The following CTIF variants were observed in gnomAD, a reference collection of about 807,000 sequenced individuals.
CTIF encodes CBP80/20-dependent translation initiation factor.
In CTIF, 21 loss-of-function variants were observed where a neutral mutation model predicts 66.0. The observed-to-expected ratio is 0.32, with a 90% CI of 0.23 to 0.46. CTIF has a LOEUF of 0.46. Ranked by LOEUF, CTIF falls within the 20% of genes least tolerant of loss-of-function variation. The probability of loss-of-function intolerance (pLI) is 1.00; values close to 1 mark genes in which losing one functional copy is unlikely to be tolerated. For missense variants in CTIF, 739 were observed against 812.7 expected (o/e 0.91, Z 1.10); for synonymous variants, 345 against 326.4 (o/e 1.06, Z -0.62).
intron 1 of CTIF, among the ~76,000 whole-genome samples, chr18:48,591,252 C>T (rs191524377): frequency 2.1e-4 from 32 of 152,366 alleles, no homozygotes; most frequent in Admixed American, 1.8e-3. Flanking sequence ...AGGCAGTCTT[C>T]CCATCACCCC....
At chr18:48,667,224 T>C (rs2091452374) in intron 5 of CTIF, among the ~76,000 whole-genome samples, 1 of 152,082 alleles carries the variant, frequency 6.6e-6, no homozygotes, top group South Asian at 2.1e-4. Flanking sequence ...GACTAGACTA[T>C]GCGGTGTAGA....
At chr18:48,558,706 T>A (rs2089079309) in intron 1 of CTIF, among the ~76,000 whole-genome samples, 1 of 152,224 alleles carries the variant, frequency 6.6e-6, no homozygotes, top group African/African-American at 2.4e-5. Flanking sequence ...CAGCAACTTG[T>A]TATCTAGGAT....
chr18:48,606,163 C>A (rs191871602), intron 1 of CTIF, among the ~76,000 whole-genome samples: 2 of 152,320 alleles, frequency 1.3e-5, no homozygotes, highest in East Asian at 1.9e-4. Flanking sequence ...CCAGAAGAAG[C>A]CTTTGCAGCT....
At chr18:48,596,685 C>T (rs1474697459) in intron 1 of CTIF, among the ~76,000 whole-genome samples, 2 of 152,048 alleles carry the variant, frequency 1.3e-5, no homozygotes, top group Non-Finnish European at 2.9e-5. Flanking sequence ...ACTGTGTTAG[C>T]CAGGATGGTC....
intron 4 of CTIF, among the ~76,000 whole-genome samples, 192 bp downstream of exon 4, chr18:48,664,017 C>G (rs2091391856): frequency 6.6e-6 from 1 of 152,202 alleles, no homozygotes; most frequent in African/African-American, 2.4e-5. Flanking sequence ...ACAGTGGAGG[C>G]ATGGGGAGGG....
chr18:48,852,233 TAAAAAAAAAAAAA>T (rs10591389), intron 10 of CTIF, among the ~76,000 whole-genome samples: 50 of 66,582 alleles, frequency 7.5e-4, no homozygotes, highest in Non-Finnish European at 8.8e-4. Flanking sequence ...GACCCTGTCT[TAAAAAAAAAAAAA>T]AAAAAAAAAA....
chr18:48,810,204 A>G (rs752669489), intron 9 of CTIF, among the ~76,000 whole-genome samples: 1 of 152,130 alleles, frequency 6.6e-6, no homozygotes. Flanking sequence ...TACAGCCCAT[A>G]TCAGTCGGGA....
At chr18:48,766,719 C>A (rs1270233705) in intron 9 of CTIF, among the ~76,000 whole-genome samples, 1 of 152,204 alleles carries the variant, frequency 6.6e-6, no homozygotes, top group Admixed American at 6.5e-5. Context: ...GTTGGGCTCT[C>A]TGCTGAGCCA....
chr18:48,838,332 C>G (rs1351427951), intron 10 of CTIF, among the ~76,000 whole-genome samples: 1 of 152,092 alleles, frequency 6.6e-6, no homozygotes, highest in Non-Finnish European at 1.5e-5. Context: ...GGCAGGTGCG[C>G]TGCCTTCCCA....
intron 9 of CTIF, among the ~76,000 whole-genome samples, chr18:48,781,657 CCCTCCCCTCT>C (rs1398032864): frequency 1.3e-5 from 2 of 152,178 alleles, no homozygotes; most frequent in East Asian, 3.9e-4. Flanking sequence ...AGACACGTGG[CCCTCCCCTCT>C]CCTCCCCTTG....
intron 5 of CTIF, among the ~76,000 whole-genome samples, chr18:48,670,192 G>A (rs1252613661): frequency 6.6e-6 from 1 of 152,110 alleles, no homozygotes. Flanking sequence ...CAGAGGACAT[G>A]AAGACAAAGC....
intron 9 of CTIF, among the ~76,000 whole-genome samples, chr18:48,787,951 C>T (rs1325200373): frequency 1.3e-5 from 2 of 152,190 alleles, no homozygotes; most frequent in East Asian, 3.8e-4. Context: ...TGGTGTCTGT[C>T]CTGATTGTCT....
chr18:48,709,074 C>T (rs1005272402), intron 6 of CTIF, among the ~76,000 whole-genome samples: 2 of 152,198 alleles, frequency 1.3e-5, no homozygotes, highest in African/African-American at 2.4e-5. Flanking sequence ...TGTTTCGGAA[C>T]TCATTTAATC....
chr18:48,609,036 G>A (rs1397446614), intron 1 of CTIF, among the ~76,000 whole-genome samples: 1 of 152,184 alleles, frequency 6.6e-6, no homozygotes, highest in Non-Finnish European at 1.5e-5. Flanking sequence ...TTTCATTCTT[G>A]GCCAATAAAC....
At chr18:48,681,456 G>A (rs1350559889) in intron 6 of CTIF, among the ~76,000 whole-genome samples, 1 of 152,140 alleles carries the variant, frequency 6.6e-6, no homozygotes, top group Non-Finnish European at 1.5e-5. Flanking sequence ...CCATTGACTC[G>A]TAGCCTGCCA....
At chr18:48,593,386 C>CT (rs1354032234) in intron 1 of CTIF, among the ~76,000 whole-genome samples, 2,604 of 141,062 alleles carry the variant, frequency 0.018, 67 homozygotes, top group African/African-American at 0.06. Flanking sequence ...TTTTTTTTTT[C>CT]TTTTTTTTTT....
chr18:48,771,741 C>T (rs1910140757), intron 9 of CTIF, among the ~76,000 whole-genome samples: 1 of 152,204 alleles, frequency 6.6e-6, no homozygotes. Context: ...CCAGCACCTC[C>T]TCCTCCTCCT....
chr18:48,592,010 G>A (rs1042807249), intron 1 of CTIF, among the ~76,000 whole-genome samples: 8 of 152,146 alleles, frequency 5.3e-5, no homozygotes, highest in African/African-American at 7.2e-5. Context: ...CCTCTGCTTC[G>A]GAAAGCGCTG....
At chr18:48,551,234 G>C (rs2088873344) in intron 1 of CTIF, among the ~76,000 whole-genome samples, 1 of 151,632 alleles carries the variant, frequency 6.6e-6, no homozygotes, top group African/African-American at 2.4e-5. Flanking sequence ...TCAAGACGGA[G>C]GCCTTGGAAG....
Sources: gnomAD v4.1 joint callset for allele counts (sites outside exome capture counted in the v4.1 genomes callset) on GRCh38, gnomAD v4.1.1 for gene constraint, MANE v1.5 for transcripts, NCBI Gene and HGNC (gene_info 2026-07-23, HGNC 2026-07-21) for gene names.